The following STK17A variants were observed in gnomAD, a reference collection of about 807,000 sequenced individuals.
The protein encoded by STK17A is serine/threonine-protein kinase 17A.
A neutral mutation model predicts 43.7 loss-of-function variants in STK17A; 26 were observed. The ratio of observed to expected loss-of-function variants is 0.60; its 90% CI spans 0.44 to 0.83. STK17A has a LOEUF of 0.83. STK17A is among the 40% of genes least tolerant of loss of function. STK17A has a pLI of 0.00. For synonymous variants in STK17A, 191 were observed against 182.5 expected, an observed-to-expected ratio of 1.05 and a Z score of -0.38; for missense variants, 476 against 511.6, an observed-to-expected ratio of 0.93 and a Z score of 0.67.
At chr7:43,605,762 A>G (rs927115232) in intron 2 of STK17A, among the ~76,000 whole-genome samples, 2 of 151,914 alleles carry the variant, frequency 1.3e-5, no homozygotes, top group African/African-American at 4.8e-5. Flanking sequence ...ATGGTCCTAT[A>G]CCTGTTGTTC....
At chr7:43,606,255 G>A (rs1034234059) in intron 2 of STK17A, among the ~76,000 whole-genome samples, 2 of 152,122 alleles carry the variant, frequency 1.3e-5, no homozygotes, top group Non-Finnish European at 2.9e-5. Context: ...TGAATAATGA[G>A]AAAGTAAAGA....
chr7:43,584,448 C>T (rs2082425177), intron 1 of STK17A, among the ~76,000 whole-genome samples: 1 of 152,230 alleles, frequency 6.6e-6, no homozygotes, highest in Admixed American at 6.5e-5. Flanking sequence ...GCTTGTCAAG[C>T]GCATACCACT....
chr7:43,624,120 A>G (rs1488610801), intron 6 of STK17A, among the ~76,000 whole-genome samples: 1 of 152,214 alleles, frequency 6.6e-6, no homozygotes, highest in Non-Finnish European at 1.5e-5. Context: ...AATGTGAACC[A>G]TACCTCAGTA....
At chr7:43,616,504 T>C (rs2083358568) in intron 3 of STK17A, among the ~76,000 whole-genome samples, 1 of 152,204 alleles carries the variant, frequency 6.6e-6, no homozygotes, top group Non-Finnish European at 1.5e-5. Flanking sequence ...CTGTAGATTC[T>C]TCCCGTTCTC....
At chr7:43,621,676 T>C (rs980354367) in intron 4 of STK17A, among the ~76,000 whole-genome samples, 1 of 152,178 alleles carries the variant, frequency 6.6e-6, no homozygotes, top group African/African-American at 2.4e-5. Flanking sequence ...CTCACTGTGT[T>C]GCCCAGGCTA....
At chr7:43,597,392 TA>T (rs969725147) in intron 2 of STK17A, among the ~76,000 whole-genome samples, 16 of 151,414 alleles carry the variant, frequency 1.1e-4, no homozygotes, top group African/African-American at 3.4e-4. Flanking sequence ...TTGTTGTTAT[TA>T]TTTTTTTTTT....
Position 43,624,926 on chromosome 7 carries a change from A to C in STK17A, c.*84A>C, listed in dbSNP as rs1160191512. The C allele has an allele frequency of 8.2e-7, 1 of 1,214,394 alleles. No individual in the cohort carries two copies. The highest frequency in any genetic ancestry group is 1.1e-6 in the Non-Finnish European group (1 of 876,742). The allele number at this position is 1,214,394 out of a possible 1,614,324, so 75.2% of individuals were successfully genotyped here. ...GGACCTCTGGCCAAATGGTACATGT[A>C]CTGGAAGTGGATAACCAGTATCACT... On this transcript the variant is annotated 3_prime_UTR_variant, in exon 7 of 7. Coordinates refer to ENST00000319357, the MANE Select transcript of STK17A (RefSeq NM_004760.3).
intron 2 of STK17A, among the ~76,000 whole-genome samples, chr7:43,604,186 T>G (rs1406416889): frequency 6.6e-6 from 1 of 152,186 alleles, no homozygotes. Flanking sequence ...TTATAAATTT[T>G]AGAACACAAT....
chr7:43,605,916 T>G (rs1241811042), intron 2 of STK17A, among the ~76,000 whole-genome samples: 1 of 151,762 alleles, frequency 6.6e-6, no homozygotes, highest in Non-Finnish European at 1.5e-5. Flanking sequence ...CAATGTGCCC[T>G]CACACATGTG....
rs1365677599 is a variant in STK17A at position 43,625,031 on chromosome 7, A to C, written c.*189A>C. On this transcript the variant is annotated 3_prime_UTR_variant, in exon 7 of 7. Transcript: ENST00000319357. ...TTAAAAGTTGCCAACCAGGAGATTT[A>C]ACAGGTACAGTTACCCGTTTCAATG... 2.0e-6 allele frequency: 1 copy of C among 489,548 alleles called. No homozygotes were observed. Among genetic ancestry groups the C allele is most frequent in the East Asian group, 3.4e-5 (1 of 29,710 alleles). 30.3% of individuals were successfully genotyped at this position (489,548 alleles called of 1,614,324 possible). A position where few individuals can be genotyped will look rare whatever the true frequency, so the allele number is the denominator to read the frequency against.
At chr7:43,616,364 A>G (rs1410294597) in intron 3 of STK17A, among the ~76,000 whole-genome samples, 1 of 152,160 alleles carries the variant, frequency 6.6e-6, no homozygotes, top group African/African-American at 2.4e-5. Context: ...CTAACACAAA[A>G]TAGACACCCT....
chr7:43,598,447 G>T (rs1290013082), intron 2 of STK17A, among the ~76,000 whole-genome samples: 1 of 147,604 alleles, frequency 6.8e-6, no homozygotes, highest in East Asian at 2.0e-4. Context: ...TCCAGCCTGG[G>T]TGACACAGCA....
At chr7:43,606,656 GAAAGT>G (rs1402840924) in intron 2 of STK17A, among the ~76,000 whole-genome samples, 30 of 152,070 alleles carry the variant, frequency 2.0e-4, no homozygotes, top group Non-Finnish European at 4.3e-4. Context: ...CCATGTGAAG[GAAAGT>G]ACTTTGTGTA....
chr7:43,623,880 G>A lies in STK17A; in HGVS notation c.912G>A (p.Lys304=), dbSNP rs1002872995. 6 of 1,536,482 alleles carry A rather than the reference G, an allele frequency of 3.9e-6. No homozygotes were observed. Among genetic ancestry groups the A allele is most frequent in the Non-Finnish European group, 5.2e-6 (6 of 1,148,454 alleles). Reference sequence around the variant, plus strand: ...ATTTCATCAGGACACTTTTAGTTAAGAAACCTGAGTAAGTATTATTTTTAT... The same window carrying A: ...ATTTCATCAGGACACTTTTAGTTAAAAAACCTGAGTAAGTATTATTTTTAT... ...AVDFIRTLLV[K]KPEDRATAEE... is the part of the protein sequence containing the mutation. The change falls in exon 6 of 7, where the codon AAG becomes AAA. Residue 304 remains lysine (K), a synonymous_variant. Coordinates refer to ENST00000319357, the MANE Select transcript of STK17A (RefSeq NM_004760.3).
chr7:43,607,670 G>C (rs1263525362), intron 2 of STK17A, among the ~76,000 whole-genome samples: 1 of 107,804 alleles, frequency 9.3e-6, no homozygotes, highest in Non-Finnish European at 2.0e-5. Flanking sequence ...AAAAAAAAAA[G>C]CAAGAATGGG....
At chr7:43,622,342 C>CGGGA (rs2083984172) in intron 4 of STK17A, 1 of 152,218 alleles carries the variant, frequency 6.6e-6, no homozygotes, top group Non-Finnish European at 1.5e-5. Flanking sequence ...CCAACCTCTT[C>CGGGA]CTCCCACTCA....
intron 1 of STK17A, among the ~76,000 whole-genome samples, chr7:43,585,460 C>G (rs1236405565): frequency 1.3e-5 from 2 of 151,424 alleles, no homozygotes; most frequent in African/African-American, 2.4e-5. Context: ...GTGATATCTT[C>G]TACATATCTT....
intron 1 of STK17A, among the ~76,000 whole-genome samples, chr7:43,590,449 A>G (rs1229255555): frequency 1.3e-5 from 2 of 151,244 alleles, no homozygotes; most frequent in East Asian, 1.9e-4. Context: ...TCCTCTTGTT[A>G]TAATTGTTTA....
At chr7:43,607,647 C>CAAAAAAAA (rs760624386) in intron 2 of STK17A, among the ~76,000 whole-genome samples, 20 of 54,294 alleles carry the variant, frequency 3.7e-4, no homozygotes, top group Non-Finnish European at 5.0e-4. Context: ...GACTCCGTCT[C>CAAAAAAAA]AAAAAAAAAA....
Sources: allele counts gnomAD v4.1 joint callset (sites outside exome capture counted in the v4.1 genomes callset), GRCh38; gene constraint gnomAD v4.1.1; transcripts MANE v1.5; gene names NCBI Gene and HGNC (gene_info 2026-07-23, HGNC 2026-07-21).